Variants in COL22A1 observed in about 807,000 individuals in gnomAD.
COL22A1 encodes the protein collagen type XXII alpha 1 chain, also known as collagen alpha-1(XXII) chain.
COL22A1 carries 221 observed loss-of-function variants against 248.9 expected under a neutral mutation model. That is an observed-to-expected ratio of 0.89 (90% CI 0.80 to 0.99). The LOEUF is 0.99. Ranked by LOEUF, COL22A1 falls within the 50% of genes least tolerant of loss-of-function variation. The pLI, the probability that COL22A1 is intolerant of heterozygous loss-of-function variation, is 0.00. For missense variants in COL22A1, 2,240 were observed against 2,179.0 expected, an observed-to-expected ratio of 1.03 and a Z score of -0.56; for synonymous variants, 891 against 793.4, an observed-to-expected ratio of 1.12 and a Z score of -2.07.
chr8:138,700,487 C>G (rs1350902011), intron 31 of COL22A1, among the ~76,000 whole-genome samples: 1 of 152,154 alleles, frequency 6.6e-6, no homozygotes, highest in Non-Finnish European at 1.5e-5. Flanking sequence ...AGAGCTCTGC[C>G]AGGACACTGG....
intron 12 of COL22A1, among the ~76,000 whole-genome samples, chr8:138,790,836 A>T (rs1238491170): frequency 1.3e-5 from 2 of 151,732 alleles, no homozygotes; most frequent in Non-Finnish European, 2.9e-5. Context: ...GGTCAGAGTG[A>T]TTTTTTTTAA....
At chr8:138,913,524 C>G (rs982084636) in intron 1 of COL22A1, 95 bp downstream of exon 1, 1 of 152,504 alleles carries the variant, frequency 6.6e-6, no homozygotes, top group East Asian at 1.9e-4. Context: ...CATCCACCCC[C>G]CGCCTCTCGT....
intron 3 of COL22A1, among the ~76,000 whole-genome samples, chr8:138,856,872 G>A (rs1453290763): frequency 6.6e-6 from 1 of 152,152 alleles, no homozygotes; most frequent in African/African-American, 2.4e-5. Flanking sequence ...GGCAGGCATG[G>A]ATAGGCCTGC....
intron 14 of COL22A1, 39 bp from the exon 15 acceptor site, chr8:138,778,445 G>A: frequency 6.5e-7 from 1 of 1,539,430 alleles, no homozygotes; most frequent in Non-Finnish European, 8.7e-7. Flanking sequence ...TTCAGGGATG[G>A]AAAAGAAAGG....
At position 138,633,945 on chromosome 8, in the gene COL22A1, G is replaced by T. The variant is rs369579220; in HGVS notation, c.3609+1065C>A. On this transcript the variant is annotated intron_variant, in intron 49 of 64. Coordinates refer to ENST00000303045, the MANE Select transcript of COL22A1 (RefSeq NM_152888.3). ...TAAAAATAATATTAACATCAAAGGCGCTTGGGAGGAAAATGTGTTGAATAT... is the reference window on the plus strand; with the variant it reads ...TAAAAATAATATTAACATCAAAGGCTCTTGGGAGGAAAATGTGTTGAATAT... Among the ~76,000 whole-genome samples, 5 of 152,178 alleles carry T rather than the reference G, an allele frequency of 3.3e-5. No individual in the cohort carries two copies. In the East Asian group the frequency reaches 9.7e-4, roughly 29 times the overall value.
chr8:138,622,533 C>A (rs1819890490), intron 52 of COL22A1, among the ~76,000 whole-genome samples: 2 of 152,024 alleles, frequency 1.3e-5, no homozygotes, highest in South Asian at 4.1e-4. Context: ...AAGATGATAA[C>A]AGTAAAATAA....
At chr8:138,635,453 A>G (rs1202054552) in intron 48 of COL22A1, among the ~76,000 whole-genome samples, 1 of 152,206 alleles carries the variant, frequency 6.6e-6, no homozygotes, top group African/African-American at 2.4e-5. Flanking sequence ...ATAAAAACAT[A>G]AAAAACAAAT....
At chr8:138,841,852 T>C (rs761031965) in intron 4 of COL22A1, among the ~76,000 whole-genome samples, 2 of 152,206 alleles carry the variant, frequency 1.3e-5, no homozygotes, top group African/African-American at 2.4e-5. Flanking sequence ...GCAAAAGTGC[T>C]ATGTCTGGGA....
chr8:138,613,247 C>CAA (rs35361699), intron 56 of COL22A1, among the ~76,000 whole-genome samples: 8 of 124,378 alleles, frequency 6.4e-5, no homozygotes, highest in African/African-American at 2.7e-4. Flanking sequence ...GACTCCGTTT[C>CAA]AAAAAAAAAA....
chr8:138,764,099 CCT>C (rs1189269349), intron 16 of COL22A1, among the ~76,000 whole-genome samples: 1 of 152,182 alleles, frequency 6.6e-6, no homozygotes, highest in Non-Finnish European at 1.5e-5. Flanking sequence ...GAGGTTGGTT[CCT>C]CTCTTTCAGG....
chr8:138,780,608 AGCAAATCCATT>A (rs1453422275), intron 13 of COL22A1, among the ~76,000 whole-genome samples: 1 of 152,160 alleles, frequency 6.6e-6, no homozygotes, highest in Non-Finnish European at 1.5e-5. Flanking sequence ...TGGGGTCTTA[AGCAAATCCATT>A]GCCTCGCTGG....
chr8:138,720,869 T>TAGTTCTCTTCCTTCCAACCTG, intron 26 of COL22A1, 77 bp from the exon 27 acceptor site: 3 of 1,230,766 alleles, frequency 2.4e-6, no homozygotes, highest in Non-Finnish European at 3.6e-6. Flanking sequence ...TAGGCACAGG[T>TAGTTCTCTTCCTTCCAACCTG]TGGAAGGAAG....
At chr8:138,620,988 T>A (rs62530043) in intron 52 of COL22A1, among the ~76,000 whole-genome samples, 1 of 126,732 alleles carries the variant, frequency 7.9e-6, no homozygotes, top group East Asian at 2.3e-4. Context: ...CATCCATCCA[T>A]CCATCCACCC....
intron 1 of COL22A1, among the ~76,000 whole-genome samples, chr8:138,893,937 G>A (rs1244078168): frequency 6.6e-6 from 1 of 152,186 alleles, no homozygotes; most frequent in Non-Finnish European, 1.5e-5. Context: ...AGGAGGTGAT[G>A]CCTGAGCTGA....
intron 32 of COL22A1, among the ~76,000 whole-genome samples, chr8:138,698,215 C>T (rs1264546569): frequency 6.6e-6 from 1 of 152,168 alleles, no homozygotes. Flanking sequence ...GGCAGGTGAC[C>T]AGTGGAAGGG....
rs1422074189 is a variant in COL22A1, at chr8:138,796,867, T to C, written c.1558-10A>G. ...CAAAAGGTCCTATGCCCTAGAAAAA[T>C]GAAAGAAGGCAAAGATTCACTACAG... On this transcript the variant is annotated splice_polypyrimidine_tract_variant and intron_variant, in intron 11 of 64. Coordinates refer to ENST00000303045, the MANE Select transcript of COL22A1 (RefSeq NM_152888.3). 4 of 1,582,062 alleles carry C rather than the reference T, an allele frequency of 2.5e-6. No homozygotes were observed. Among genetic ancestry groups the C allele is most frequent in the Non-Finnish European group, 3.5e-6 (4 of 1,151,048 alleles).
intron 62 of COL22A1, among the ~76,000 whole-genome samples, chr8:138,594,605 G>A (rs941065783): frequency 6.6e-6 from 1 of 152,274 alleles, no homozygotes; most frequent in South Asian, 2.1e-4. Flanking sequence ...CAAAGAAACC[G>A]CACCCTACCC....
At chr8:138,785,471 G>T (rs1158504947) in intron 12 of COL22A1, among the ~76,000 whole-genome samples, 1 of 152,200 alleles carries the variant, frequency 6.6e-6, no homozygotes, top group African/African-American at 2.4e-5. Context: ...TCCTCTGAGG[G>T]CATGCGCTAG....
intron 16 of COL22A1, among the ~76,000 whole-genome samples, chr8:138,766,740 A>T (rs1397868316): frequency 1.3e-5 from 2 of 152,180 alleles, no homozygotes; most frequent in Non-Finnish European, 2.9e-5. Flanking sequence ...AAGATGTGGC[A>T]TTCAGAGTGC....
Sources: gnomAD v4.1 joint callset for allele counts (sites outside exome capture counted in the v4.1 genomes callset) on GRCh38, gnomAD v4.1.1 for gene constraint, MANE v1.5 for transcripts, NCBI Gene and HGNC (gene_info 2026-07-23, HGNC 2026-07-21) for gene names.